The following HDLBP variants were observed in gnomAD, a reference collection of about 807,000 sequenced individuals.
HDLBP encodes the protein high density lipoprotein binding protein, also known as vigilin.
In HDLBP, 30 loss-of-function variants were observed where a neutral mutation model predicts 137.3. That is an observed-to-expected ratio of 0.22 (90% CI 0.16 to 0.30). HDLBP has a LOEUF of 0.30. HDLBP is among the 10% of genes least tolerant of loss of function. HDLBP has a pLI of 1.00. For synonymous variants in HDLBP, 606 were observed against 596.0 expected (o/e 1.02, Z -0.24); for missense variants, 1,119 against 1,667.3 (o/e 0.67, Z 5.73).
intron 1 of HDLBP, among the ~76,000 whole-genome samples, chr2:241,307,581 A>G (rs920923867): frequency 6.6e-6 from 1 of 152,232 alleles, no homozygotes; most frequent in Non-Finnish European, 1.5e-5. Context: ...CAACAAAACA[A>G]TGTAAAAACT....
At chr2:241,270,949 T>G (rs2149571845) in intron 1 of HDLBP, 1 of 980,494 alleles carries the variant, frequency 1.0e-6, no homozygotes, top group African/African-American at 1.7e-5. Context: ...ACCTCAGATA[T>G]TAATCTAATC....
At chr2:241,243,995 T>C (rs1214566994) in intron 16 of HDLBP, among the ~76,000 whole-genome samples, 2 of 152,118 alleles carry the variant, frequency 1.3e-5, no homozygotes, top group African/African-American at 2.4e-5. Context: ...TTTAACTGTA[T>C]TGTCTATGGC....
At chr2:241,311,195 C>G (rs1444466608) in intron 1 of HDLBP, among the ~76,000 whole-genome samples, 2 of 152,106 alleles carry the variant, frequency 1.3e-5, no homozygotes, top group Non-Finnish European at 2.9e-5. Flanking sequence ...TAGTCACACA[C>G]AAAGGCTCTA....
rs1290456784 is a variant in HDLBP, at chr2:241,229,608, T to C, written c.3800A>G (p.Lys1267Arg). Residue 1267 changes from lysine (K) to arginine (R), a missense_variant, in exon 28 of 28, where the codon AAA (lysine) becomes AGA (arginine). Around this residue, in one of 4 missense-constraint regions of HDLBP, gnomAD observed 618 missense variants for 816.7 expected, o/e 0.76. Transcript: ENST00000310931. ...VAPKTLPWGP[K>R]R ...TTCTGTTCTTTTTGATCATTATCGT[T>C]TGGGGCCCCAAGGGAGGGTCTTGGG... The C allele has an allele frequency of 6.2e-7, 1 of 1,613,340 alleles. No homozygotes were observed. The highest frequency in any genetic ancestry group is 8.5e-7 in the Non-Finnish European group (1 of 1,179,380).
intron 1 of HDLBP, among the ~76,000 whole-genome samples, chr2:241,284,166 A>G (rs757139950): frequency 7.9e-5 from 12 of 152,256 alleles, no homozygotes; most frequent in Non-Finnish European, 1.6e-4. Context: ...CCCATGGATC[A>G]AGAAGTAATT....
intron 5 of HDLBP, 136 bp from the exon 6 acceptor site, chr2:241,256,942 C>T: frequency 1.3e-6 from 1 of 741,286 alleles, no homozygotes; most frequent in Non-Finnish European, 2.2e-6. Context: ...ATTAAAACAG[C>T]ATGAGCTTAA....
In HDLBP at chr2:241,256,612, G is replaced by A. The variant is rs2072636604; in HGVS notation, c.645C>T (p.Ile215=). The A allele has an allele frequency of 1.2e-6, 2 of 1,613,990 alleles. No homozygotes were observed. Among genetic ancestry groups the A allele is most frequent in the Non-Finnish European group, 1.7e-6 (2 of 1,180,006 alleles). Reference sequence around the variant, plus strand: ...ACACAGGCCTCACCTGCTCGGCAGAGATGAGTAAGACTTCATGGCGAGCTT... The same window carrying A: ...ACACAGGCCTCACCTGCTCGGCAGAAATGAGTAAGACTTCATGGCGAGCTT... The part of the protein sequence containing the change: ...IEKARHEVLL[I]SAEQDKRAVE... The change falls in exon 6 of 28, where the codon ATC becomes ATT. Residue 215 remains isoleucine, a synonymous_variant. Transcript: ENST00000310931.
At position 241,239,583 on chromosome 2, in the gene HDLBP, C is replaced by T. The variant is rs10153569; in HGVS notation, c.2610+19G>A. The T allele has an allele frequency of 2.2e-4, 350 of 1,606,954 alleles. No homozygotes were observed. In the African/African-American group the frequency reaches 4.1e-3, roughly 19 times the overall value. On this transcript the variant is annotated intron_variant, in intron 19 of 27. Transcript: ENST00000310931. The surrounding 1 kb of genome is among the most constrained non-coding windows in gnomAD (Gnocchi z 4.6). ...CCACTGGGGGGTGAGAACCCCTCCC[C>T]GAGCACCCAAGTGCCTACCAGGTCC... is the stretch of plus-strand genomic sequence containing the variant.
chr2:241,255,452 T>C lies in HDLBP; in HGVS notation c.1002A>G (p.Ser334=). Residue 334 remains serine, a synonymous_variant, in exon 8 of 28, where the codon TCA becomes TCG. Coordinates refer to ENST00000310931, the MANE Select transcript of HDLBP (RefSeq NM_005336.6). The part of the protein sequence containing the change: ...RTGVSVEIPP[S]DSISETVILR... ...GTATTACAGTCTCAGAGATGCTGTCTGAGGGTGGGATCTCAACGGAAACTC... is the reference window on the plus strand; with the variant it reads ...GTATTACAGTCTCAGAGATGCTGTCCGAGGGTGGGATCTCAACGGAAACTC... 1 of 1,614,226 alleles carries C rather than the reference T, an allele frequency of 6.2e-7. No homozygotes were observed. The highest frequency in any genetic ancestry group is 8.5e-7 in the Non-Finnish European group (1 of 1,180,030).
intron 11 of HDLBP, among the ~76,000 whole-genome samples, chr2:241,251,564 G>A (rs1214839460): frequency 2.6e-5 from 4 of 152,240 alleles, no homozygotes. Context: ...ATCCAGGAAT[G>A]GAGGACGTGC....
Position 241,279,908 on chromosome 2 carries a change from T to G in HDLBP, c.-102-11367A>C, listed in dbSNP as rs184306564. On this transcript the variant is annotated intron_variant, in intron 1 of 27. Transcript: ENST00000310931. Reference sequence around the variant, plus strand: ...TGGATAAACAGAGGTATACAATTTATGCAGCCTACTCCTCTCTTTGCTTTA... The same window carrying G: ...TGGATAAACAGAGGTATACAATTTAGGCAGCCTACTCCTCTCTTTGCTTTA... The G allele has an allele frequency of 8.1e-6, 8 of 985,382 alleles. No individual in the cohort carries two copies. In the Admixed American group the frequency reaches 4.9e-4, roughly 61 times the overall value. 61.0% of individuals were successfully genotyped at this position (985,382 alleles called of 1,614,324 possible).
At position 241,230,694 on chromosome 2, in the gene HDLBP, T is replaced by C. The variant is rs113110472; in HGVS notation, c.3474+65A>G. On this transcript the variant is annotated intron_variant, in intron 25 of 27. Coordinates refer to ENST00000310931, the MANE Select transcript of HDLBP (RefSeq NM_005336.6). The surrounding 1 kb of genome is among the most constrained non-coding windows in gnomAD (Gnocchi z 5.0). ...GGGGAAGGCCATGCCCTGCTCTTTC[T>C]TCTGGCCAGCCAGGTGCCCCCGGTG... 1.4e-6 allele frequency: 2 copies of C among 1,442,472 alleles called. No homozygotes were observed. Among genetic ancestry groups the C allele is most frequent in the Non-Finnish European group, 1.9e-6 (2 of 1,037,372 alleles). The allele number at this position is 1,442,472 out of a possible 1,614,324, so 89.4% of individuals were successfully genotyped here. A position where few individuals can be genotyped will look rare whatever the true frequency, so the allele number is the denominator to read the frequency against.
Position 241,227,412 on chromosome 2 carries a change from G to A in HDLBP, c.*2189C>T, listed in dbSNP as rs1425533789. The A allele has an allele frequency of 6.6e-6, 1 of 152,570 alleles. No homozygotes were observed. Among genetic ancestry groups the A allele is most frequent in the Non-Finnish European group, 1.5e-5 (1 of 68,056 alleles). 9.5% of individuals were successfully genotyped at this position (152,570 alleles called of 1,614,324 possible). A position where few individuals can be genotyped will look rare whatever the true frequency, so the allele number is the denominator to read the frequency against. On this transcript the variant is annotated 3_prime_UTR_variant, in exon 28 of 28. Transcript: ENST00000310931. ...AGTTAAGGCCAAGGGATGGATTGTA[G>A]CTATGGAAACAGATGATATGGAAGA...
At chr2:241,235,064 T>C (rs1296044956) in intron 23 of HDLBP, 57 bp downstream of exon 23, 6 of 1,585,844 alleles carry the variant, frequency 3.8e-6, no homozygotes, top group East Asian at 4.5e-5. Context: ...GATTCTGACA[T>C]GTGCCCAAAG....
intron 16 of HDLBP, among the ~76,000 whole-genome samples, chr2:241,246,279 G>A (rs1463352806): frequency 6.6e-6 from 1 of 152,096 alleles, no homozygotes; most frequent in Non-Finnish European, 1.5e-5. Flanking sequence ...GGGGGTGGGG[G>A]GAGTGTGGTT....
At chr2:241,299,286 C>T (rs1291391861) in intron 1 of HDLBP, among the ~76,000 whole-genome samples, 1 of 151,480 alleles carries the variant, frequency 6.6e-6, no homozygotes, top group South Asian at 2.1e-4. Flanking sequence ...TTTGGGAGGC[C>T]GAGGCAGGTG....
intron 12 of HDLBP, 27 bp from the exon 13 acceptor site, chr2:241,248,375 A>G: frequency 6.4e-7 from 1 of 1,559,318 alleles, no homozygotes; most frequent in Non-Finnish European, 8.8e-7. Context: ...AGTAGATGTC[A>G]TTTATCACAA....
chr2:241,230,707 G>C lies in HDLBP; in HGVS notation c.3474+52C>G, dbSNP rs377040085. Reference sequence around the variant, plus strand: ...CCCTGCTCTTTCTTCTGGCCAGCCAGGTGCCCCCGGTGAGAGAGGATTCTC... The same window carrying C: ...CCCTGCTCTTTCTTCTGGCCAGCCACGTGCCCCCGGTGAGAGAGGATTCTC... On this transcript the variant is annotated intron_variant, in intron 25 of 27. Transcript: ENST00000310931. The surrounding 1 kb of genome is among the most constrained non-coding windows in gnomAD (Gnocchi z 5.0). 1.3e-6 allele frequency: 2 copies of C among 1,527,176 alleles called. No homozygotes were observed. Among genetic ancestry groups the C allele is most frequent in the African/African-American group, 2.7e-5 (2 of 73,252 alleles). The allele number at this position is 1,527,176 out of a possible 1,614,324, so 94.6% of individuals were successfully genotyped here. A position where few individuals can be genotyped will look rare whatever the true frequency, so the allele number is the denominator to read the frequency against.
intron 1 of HDLBP, among the ~76,000 whole-genome samples, chr2:241,274,477 T>A (rs1458259253): frequency 6.6e-6 from 1 of 152,206 alleles, no homozygotes. Flanking sequence ...CTAGTGCAAG[T>A]GTGTTTTTTG....
Sources: gnomAD v4.1 joint callset for allele counts (sites outside exome capture counted in the v4.1 genomes callset) on GRCh38, gnomAD v4.1.1 for gene constraint, gnomAD v4.1.1 regional missense constraint, Gnocchi (gnomAD v3.1) non-coding constraint, MANE v1.5 for transcripts, NCBI Gene and HGNC (gene_info 2026-07-23, HGNC 2026-07-21) for gene names.